C10orf90: variants seen among roughly 807,000 people sequenced by gnomAD.
The protein encoded by C10orf90 is chromosome 10 open reading frame 90.
A neutral mutation model predicts 62.5 loss-of-function variants in C10orf90; 56 were observed. The observed-to-expected ratio is 0.90, with a 90% CI of 0.72 to 1.12. The LOEUF is 1.12. C10orf90 is among the 50% of genes most tolerant of loss of function. The pLI is 0.00. For synonymous variants in C10orf90, 386 were observed against 340.4 expected, an observed-to-expected ratio of 1.13 and a Z score of -1.47; for missense variants, 970 against 880.4, an observed-to-expected ratio of 1.10 and a Z score of -1.29.
Position 126,580,119 on chromosome 10 carries a change from G to A in C10orf90, c.314-66180C>T, listed in dbSNP as rs536643371. Among the ~76,000 whole-genome samples the A allele has an allele frequency of 1.2e-4, 19 of 152,262 alleles. No homozygotes were observed. In the South Asian group the frequency reaches 2.5e-3, roughly 20 times the overall value. On this transcript the variant is annotated intron_variant, in intron 2 of 9. Coordinates refer to ENST00000488181, the MANE Select transcript of C10orf90 (RefSeq NM_001350921.2). ...GGAATTGCTCCACTCTCTGGTCAGC[G>A]TCCAGAGCTGATCTAAACACTGCCT... is the stretch of plus-strand genomic sequence containing the variant.
intron 2 of C10orf90, among the ~76,000 whole-genome samples, chr10:126,609,238 G>C (rs1337045930): frequency 6.6e-6 from 1 of 152,042 alleles, no homozygotes; most frequent in Non-Finnish European, 1.5e-5. Context: ...CCCCGTCTCT[G>C]TTAAAAATAC....
intron 2 of C10orf90, among the ~76,000 whole-genome samples, chr10:126,644,035 C>A (rs1377064739): frequency 6.6e-6 from 1 of 152,134 alleles, no homozygotes; most frequent in African/African-American, 2.4e-5. Context: ...TAGGCCTCAC[C>A]CTTGGCCTGT....
At chr10:126,470,090 G>T (rs1860497063) in intron 4 of C10orf90, 1 of 451,072 alleles carries the variant, frequency 2.2e-6, no homozygotes, top group Non-Finnish European at 4.5e-6. Context: ...GCATACTGCA[G>T]GGGGGAAGGC....
chr10:126,490,648 C>T (rs1861717246), intron 4 of C10orf90, among the ~76,000 whole-genome samples: 1 of 151,818 alleles, frequency 6.6e-6, no homozygotes, highest in Non-Finnish European at 1.5e-5. Context: ...TGTATTTTAT[C>T]AAAATTTAAA....
At chr10:126,577,695 C>T (rs1591115203) in intron 2 of C10orf90, among the ~76,000 whole-genome samples, 1 of 151,974 alleles carries the variant, frequency 6.6e-6, no homozygotes, top group East Asian at 1.9e-4. Context: ...GTGGAAAATC[C>T]AGGTAATCTT....
intron 4 of C10orf90, among the ~76,000 whole-genome samples, chr10:126,467,535 G>A (rs542909807): frequency 1.3e-5 from 2 of 152,144 alleles, no homozygotes; most frequent in Non-Finnish European, 2.9e-5. Context: ...GCCATCTCGA[G>A]AGCAGCCTGC....
chr10:126,602,966 A>AGG (rs948056813), intron 2 of C10orf90, among the ~76,000 whole-genome samples: 1 of 151,748 alleles, frequency 6.6e-6, no homozygotes, highest in African/African-American at 2.4e-5. Flanking sequence ...GTTGGGGAGA[A>AGG]GGGAGAGAGA....
At chr10:126,655,260 G>A (rs1441174685) in intron 1 of C10orf90, among the ~76,000 whole-genome samples, 3 of 152,174 alleles carry the variant, frequency 2.0e-5, no homozygotes, top group Non-Finnish European at 4.4e-5. Flanking sequence ...GGAGGTGGCA[G>A]TGGGCCGAGA....
rs564814994 is a variant in C10orf90 at position 126,651,178 on chromosome 10, T to C, written c.241-4541A>G. Among the ~76,000 whole-genome samples the C allele has an allele frequency of 1.2e-4, 18 of 152,276 alleles. No individual in the cohort carries two copies. The East Asian group carries it at 3.1e-3, about 26-fold the overall frequency. On this transcript the variant is annotated intron_variant, in intron 1 of 9. Transcript: ENST00000488181. ...TCACAGCTGGACTCAAATGAGCAAA[T>C]ATTTTACTGTTTTTGTTGTTTCCTG...
chr10:126,573,382 G>C (rs1844547783), intron 2 of C10orf90, among the ~76,000 whole-genome samples: 1 of 152,204 alleles, frequency 6.6e-6, no homozygotes, highest in Non-Finnish European at 1.5e-5. Context: ...GCGCCAGGCT[G>C]TCTGCCTGTG....
chr10:126,505,851 G>A (rs1299843698), intron 3 of C10orf90, among the ~76,000 whole-genome samples: 1 of 152,188 alleles, frequency 6.6e-6, no homozygotes, highest in Non-Finnish European at 1.5e-5. Flanking sequence ...CTACTCGGGA[G>A]GCTGAGGCAG....
intron 1 of C10orf90, among the ~76,000 whole-genome samples, chr10:126,660,151 C>T (rs576515107): frequency 7.4e-4 from 112 of 152,374 alleles, no homozygotes; most frequent in Non-Finnish European, 1.3e-3. Flanking sequence ...CCTTGGTGTA[C>T]ACGCCCTACA....
intron 6 of C10orf90, among the ~76,000 whole-genome samples, chr10:126,460,681 C>A (rs984717937): frequency 2.0e-5 from 3 of 152,130 alleles, no homozygotes; most frequent in African/African-American, 4.8e-5. Context: ...GCCTTAGAGA[C>A]TTTGGGGGCA....
intron 2 of C10orf90, among the ~76,000 whole-genome samples, chr10:126,514,179 T>C (rs1335794310): frequency 1.3e-5 from 2 of 152,188 alleles, no homozygotes; most frequent in Non-Finnish European, 2.9e-5. Context: ...CATATGATCG[T>C]TTGTGTCCCT....
At chr10:126,601,368 A>G (rs1340305433) in intron 2 of C10orf90, among the ~76,000 whole-genome samples, 1 of 152,244 alleles carries the variant, frequency 6.6e-6, no homozygotes, top group African/African-American at 2.4e-5. Context: ...AACTATGTGT[A>G]TGGTAAATAT....
chr10:126,644,772 T>A (rs1846133404), intron 2 of C10orf90, among the ~76,000 whole-genome samples: 1 of 152,192 alleles, frequency 6.6e-6, no homozygotes, highest in Non-Finnish European at 1.5e-5. Flanking sequence ...CAGGCCTCGT[T>A]GTTCTCACGG....
intron 2 of C10orf90, among the ~76,000 whole-genome samples, chr10:126,557,601 T>A (rs1591095883): frequency 6.6e-6 from 1 of 152,030 alleles, no homozygotes; most frequent in South Asian, 2.1e-4. Context: ...GATACACATA[T>A]ACCATTTCTT....
chr10:126,666,826 A>G (rs928312424), intron 1 of C10orf90, among the ~76,000 whole-genome samples: 2 of 151,706 alleles, frequency 1.3e-5, no homozygotes, highest in African/African-American at 4.8e-5. Context: ...AAAGTACAAA[A>G]AAAATTAGCC....
intron 7 of C10orf90, among the ~76,000 whole-genome samples, 166 bp from the exon 8 acceptor site, chr10:126,430,016 T>C (rs908047403): frequency 6.6e-6 from 1 of 152,236 alleles, no homozygotes; most frequent in Non-Finnish European, 1.5e-5. Context: ...GTGGTTGTAT[T>C]GACAATGGCC....
Sources: allele counts gnomAD v4.1 joint callset (sites outside exome capture counted in the v4.1 genomes callset), GRCh38; gene constraint gnomAD v4.1.1; transcripts MANE v1.5; gene names NCBI Gene and HGNC (gene_info 2026-07-23, HGNC 2026-07-21).